The following TRPC5 variants were observed in gnomAD, a reference collection of about 807,000 sequenced individuals.
TRPC5 encodes short transient receptor potential channel 5.
TRPC5 carries 9 observed loss-of-function variants against 56.5 expected under a neutral mutation model. The observed-to-expected ratio is 0.16, with a 90% CI of 0.10 to 0.28. The LOEUF (loss-of-function observed/expected upper bound fraction) is 0.28. Ranked by LOEUF, TRPC5 falls within the 10% of genes least tolerant of loss-of-function variation. The pLI is 1.00. For synonymous variants in TRPC5, 282 were observed against 278.5 expected (o/e 1.01, Z -0.13); for missense variants, 469 against 748.9 (o/e 0.63, Z 4.36).
chrX:111,981,020 TG>T (rs1928067949), intron 1 of TRPC5, among the ~76,000 whole-genome samples: 1 of 108,213 alleles, frequency 9.2e-6, no homozygotes, highest in East Asian at 2.9e-4. Context: ...TCTATGTGTA[TG>T]TATGTATATA....
At chrX:112,010,510 C>T (rs1269533085) in intron 1 of TRPC5, among the ~76,000 whole-genome samples, 1 of 111,487 alleles carries the variant, frequency 9.0e-6, no homozygotes, top group Admixed American at 9.5e-5. Flanking sequence ...GGAACCTAGG[C>T]TATGTGTTAT....
chrX:111,884,078 G>A (rs946623334), intron 3 of TRPC5, among the ~76,000 whole-genome samples: 1 of 112,425 alleles, frequency 8.9e-6, no homozygotes, highest in Non-Finnish European at 1.9e-5. Context: ...CCTAGGTAAG[G>A]CTTAAGTCTA....
chrX:111,945,193 G>T (rs1030931951), intron 2 of TRPC5, among the ~76,000 whole-genome samples: 1 of 108,832 alleles, frequency 9.2e-6, no homozygotes, highest in Non-Finnish European at 1.9e-5. Flanking sequence ...ATTGCGGTTG[G>T]ATTTGCTCTC....
chrX:111,922,217 A>T (rs1926144491), intron 2 of TRPC5, among the ~76,000 whole-genome samples: 1 of 111,689 alleles, frequency 9.0e-6, no homozygotes, highest in Non-Finnish European at 1.9e-5. Flanking sequence ...CAGGCTTCTG[A>T]AATTAAATCC....
chrX:111,881,872 T>C (rs185629364), intron 3 of TRPC5: 2 of 111,413 alleles, frequency 1.8e-5, no homozygotes, highest in East Asian at 5.7e-4. Context: ...GATAGAAATA[T>C]ACTTCTGGGT....
intron 3 of TRPC5, chrX:111,901,875 T>A: frequency 8.7e-7 from 1 of 1,147,813 alleles, no homozygotes; most frequent in Non-Finnish European, 1.2e-6. Flanking sequence ...ATTCATGTAC[T>A]CATTGATGGA....
intron 3 of TRPC5, chrX:111,901,894 T>C: frequency 8.7e-7 from 1 of 1,152,831 alleles, no homozygotes; most frequent in Non-Finnish European, 1.1e-6. Flanking sequence ...GACTTGTTGC[T>C]TGTGTAGCCC....
intron 1 of TRPC5, among the ~76,000 whole-genome samples, chrX:112,078,987 C>T (rs1930900863): frequency 8.9e-6 from 1 of 111,906 alleles, no homozygotes; most frequent in African/African-American, 3.3e-5. Flanking sequence ...TGAGGAATAA[C>T]TTCTGCCTAG....
chrX:111,855,813 A>G (rs981542777), intron 3 of TRPC5, among the ~76,000 whole-genome samples: 1 of 112,330 alleles, frequency 8.9e-6, no homozygotes, highest in Non-Finnish European at 1.9e-5. Context: ...GTAAAGCAAG[A>G]CCTTTGCAGT....
intron 7 of TRPC5, among the ~76,000 whole-genome samples, chrX:111,792,201 A>G (rs770575860): frequency 1.0e-3 from 113 of 111,497 alleles, no homozygotes; most frequent in Non-Finnish European, 1.6e-3. Flanking sequence ...GCAAACTAAC[A>G]CAGGAACAGA....
intron 3 of TRPC5, among the ~76,000 whole-genome samples, chrX:111,876,900 A>G (rs1184140208): frequency 9.0e-6 from 1 of 111,651 alleles, no homozygotes; most frequent in Non-Finnish European, 1.9e-5. Context: ...TTAGTCATTC[A>G]TAACAACATT....
Position 111,790,717 on chromosome X carries a change from A to C in TRPC5, c.1897-8579T>G, listed in dbSNP as rs766464699. Among the ~76,000 whole-genome samples the C allele has an allele frequency of 3.3e-3, 368 of 110,958 alleles. 3 individuals carry two copies. Among genetic ancestry groups the C allele is most frequent in the African/African-American group, 0.012 (353 of 30,574 alleles). On this transcript the variant is annotated intron_variant, in intron 7 of 10. Transcript: ENST00000262839. ...TAGGGACAGCCTGCAACAAATGACT[A>C]GTCAATGTGGGACTGTTAAGACCTG...
At chrX:111,788,666 C>T (rs1472158378) in intron 7 of TRPC5, among the ~76,000 whole-genome samples, 3 of 111,707 alleles carry the variant, frequency 2.7e-5, no homozygotes, top group East Asian at 2.8e-4. Context: ...TAGAAAACCC[C>T]GTCACCTCAG....
At chrX:111,800,035 A>G (rs1390508079) in intron 7 of TRPC5, among the ~76,000 whole-genome samples, 2 of 111,938 alleles carry the variant, frequency 1.8e-5, no homozygotes, top group African/African-American at 6.5e-5. Flanking sequence ...ATGGGCATGA[A>G]AACTGAAGCA....
chrX:111,906,330 G>A (rs1046449160), intron 3 of TRPC5, among the ~76,000 whole-genome samples: 1 of 102,381 alleles, frequency 9.8e-6, no homozygotes, highest in Non-Finnish European at 2.0e-5. Flanking sequence ...ACTCCATCCC[G>A]GGCAACAAAG....
intron 1 of TRPC5, among the ~76,000 whole-genome samples, chrX:112,023,108 G>A (rs2147712645): frequency 9.2e-6 from 1 of 109,174 alleles, no homozygotes; most frequent in Non-Finnish European, 1.9e-5. Context: ...CTAATTTTTT[G>A]TATTTTTAGT....
chrX:111,839,229 G>T (rs1254363190), intron 6 of TRPC5, among the ~76,000 whole-genome samples: 1 of 111,229 alleles, frequency 9.0e-6, no homozygotes, highest in African/African-American at 3.3e-5. Flanking sequence ...TGACCTTTGA[G>T]GCTCAGTTGA....
chrX:111,845,328 A>T (rs1001306716), intron 6 of TRPC5, among the ~76,000 whole-genome samples: 1 of 111,621 alleles, frequency 9.0e-6, no homozygotes, highest in Admixed American at 9.5e-5. Context: ...AGGAAAAAAC[A>T]TCAACTGATA....
At chrX:112,076,638 G>A (rs1371652929) in intron 1 of TRPC5, among the ~76,000 whole-genome samples, 7 of 111,556 alleles carry the variant, frequency 6.3e-5, no homozygotes, top group African/African-American at 9.8e-5. Context: ...TGATGCGTCC[G>A]TGTGTGTGTA....
Sources: allele counts gnomAD v4.1 joint callset (sites outside exome capture counted in the v4.1 genomes callset), GRCh38; gene constraint gnomAD v4.1.1; transcripts MANE v1.5; gene names NCBI Gene and HGNC (gene_info 2026-07-23, HGNC 2026-07-21).